Variants in TP63 observed in about 807,000 individuals in gnomAD.
TP63 encodes tumor protein p63.
Under a neutral mutation model 82.8 loss-of-function variants are expected in TP63, and 17 were observed. That is an observed-to-expected ratio of 0.21 (90% CI 0.14 to 0.31). The LOEUF (loss-of-function observed/expected upper bound fraction) is 0.31. TP63 is among the 10% of genes least tolerant of loss of function. The probability of loss-of-function intolerance (pLI) is 1.00; values close to 1 mark genes in which losing one functional copy is unlikely to be tolerated. For missense variants in TP63, 648 were observed against 895.3 expected, an observed-to-expected ratio of 0.72 and a Z score of 3.52; for synonymous variants, 330 against 321.7, an observed-to-expected ratio of 1.03 and a Z score of -0.28.
At chr3:189,790,296 A>G (rs1218211555) in intron 3 of TP63, among the ~76,000 whole-genome samples, 1 of 152,004 alleles carries the variant, frequency 6.6e-6, no homozygotes, top group Non-Finnish European at 1.5e-5. Context: ...CAAAATAATC[A>G]GGTGAGATTT....
intron 1 of TP63, among the ~76,000 whole-genome samples, chr3:189,700,744 G>T (rs1717741706): frequency 1.3e-5 from 2 of 152,144 alleles, no homozygotes; most frequent in African/African-American, 4.8e-5. Context: ...TAGAGAATTG[G>T]AAACAGGAGT....
chr3:189,611,825 A>T, the TP63 span, among the ~76,000 whole-genome samples: 1 of 151,972 alleles, frequency 6.6e-6, no homozygotes, highest in Non-Finnish European at 1.5e-5. Context: ...TGTAATTCTC[A>T]TTGTAGAGAT....
At position 189,703,827 on chromosome 3, in the gene TP63, T is replaced by C. The variant is rs188496958; in HGVS notation, c.63-33913T>C. ...TTATTCAGAGTTATACAGTGAGTTG[T>C]TGGGAAAACAGAGGCCAAAACACAG... On this transcript the variant is annotated intron_variant, in intron 1 of 13. Coordinates refer to ENST00000264731, the MANE Select transcript of TP63 (RefSeq NM_003722.5). 3.3e-3 allele frequency among the ~76,000 whole-genome samples: 506 copies of C among 152,254 alleles called. 2 individuals are homozygous for C. The highest frequency in any genetic ancestry group is 0.012 in the African/African-American group (494 of 41,524).
intron 1 of TP63, among the ~76,000 whole-genome samples, chr3:189,642,228 C>T (rs1209882775): frequency 6.6e-6 from 1 of 152,042 alleles, no homozygotes; most frequent in Non-Finnish European, 1.5e-5. Flanking sequence ...CTAGGACTTC[C>T]GTATTAACTA....
At chr3:189,696,068 C>A (rs1400175425) in intron 1 of TP63, among the ~76,000 whole-genome samples, 1 of 152,044 alleles carries the variant, frequency 6.6e-6, no homozygotes, top group African/African-American at 2.4e-5. Context: ...TTTTAATTTG[C>A]ACACATTAAG....
At chr3:189,608,141 C>T in the TP63 span, among the ~76,000 whole-genome samples, 7 of 151,938 alleles carry the variant, frequency 4.6e-5, no homozygotes, top group Admixed American at 3.9e-4. Context: ...CTAATTAAAA[C>T]AGATAAAAAA....
intron 1 of TP63, among the ~76,000 whole-genome samples, chr3:189,688,596 TAA>T (rs1459504222): frequency 6.6e-6 from 1 of 152,180 alleles, no homozygotes; most frequent in Non-Finnish European, 1.5e-5. Context: ...CTTTTGCTAG[TAA>T]AGATGTGGCT....
At chr3:189,675,692 G>C (rs368334322) in intron 1 of TP63, among the ~76,000 whole-genome samples, 3 of 152,094 alleles carry the variant, frequency 2.0e-5, no homozygotes, top group South Asian at 2.1e-4. Flanking sequence ...ACTGTGGCAC[G>C]GTTATGTCTC....
At chr3:189,875,637 T>TATATAA (rs1169970699) in intron 10 of TP63, among the ~76,000 whole-genome samples, 2 of 128,824 alleles carry the variant, frequency 1.6e-5, no homozygotes, top group African/African-American at 5.9e-5. Flanking sequence ...TATATATATA[T>TATATAA]AAACTATTCT....
At chr3:189,604,137 A>G in the TP63 span, among the ~76,000 whole-genome samples, 81 of 152,304 alleles carry the variant, frequency 5.3e-4, no homozygotes, top group African/African-American at 1.9e-3. Flanking sequence ...TCTGAGCCTG[A>G]ATCTTAGATC....
At chr3:189,623,740 C>T in the TP63 span, among the ~76,000 whole-genome samples, 1 of 152,136 alleles carries the variant, frequency 6.6e-6, no homozygotes, top group Non-Finnish European at 1.5e-5. Context: ...GAATTTAGGT[C>T]CCATCACAAC....
the TP63 span, among the ~76,000 whole-genome samples, chr3:189,626,054 A>G: frequency 6.6e-6 from 1 of 152,208 alleles, no homozygotes; most frequent in Admixed American, 6.5e-5. Flanking sequence ...TGGAGGTCAA[A>G]TCAGAAGAAG....
At chr3:189,875,919 G>A (rs1157682936) in intron 10 of TP63, among the ~76,000 whole-genome samples, 3 of 151,770 alleles carry the variant, frequency 2.0e-5, no homozygotes, top group South Asian at 2.1e-4. Context: ...TGTAGTTAAC[G>A]ACACAACCTC....
chr3:189,789,398 A>G (rs1424103661), intron 3 of TP63, among the ~76,000 whole-genome samples: 1 of 151,930 alleles, frequency 6.6e-6, no homozygotes, highest in Admixed American at 6.6e-5. Flanking sequence ...TTTTGTTTTT[A>G]AAAGACAGTG....
At chr3:189,660,635 C>T (rs1479714758) in intron 1 of TP63, among the ~76,000 whole-genome samples, 1 of 151,972 alleles carries the variant, frequency 6.6e-6, no homozygotes. Context: ...AATGTTGAAT[C>T]TGTAGATTGA....
At chr3:189,756,999 G>A (rs771087744) in intron 3 of TP63, among the ~76,000 whole-genome samples, 29 of 152,182 alleles carry the variant, frequency 1.9e-4, no homozygotes, top group Non-Finnish European at 2.5e-4. Flanking sequence ...TGATTTGTTT[G>A]AAGTAATACT....
chr3:189,810,831 C>T (rs545336301), intron 4 of TP63, among the ~76,000 whole-genome samples: 8 of 145,776 alleles, frequency 5.5e-5, no homozygotes, highest in African/African-American at 2.0e-4. Context: ...ATGTGATCTG[C>T]CTGCACAATA....
intron 3 of TP63, among the ~76,000 whole-genome samples, chr3:189,790,756 A>G (rs1725047624): frequency 6.6e-6 from 1 of 152,106 alleles, no homozygotes; most frequent in Non-Finnish European, 1.5e-5. Context: ...GGTGTTTCAG[A>G]TAAAAATGCT....
intron 3 of TP63, among the ~76,000 whole-genome samples, chr3:189,797,612 G>A (rs570038156): frequency 1.3e-4 from 20 of 152,110 alleles, no homozygotes; most frequent in African/African-American, 4.1e-4. Flanking sequence ...GGGGAATGGC[G>A]TGATTACTTT....
Sources: allele counts gnomAD v4.1 joint callset (sites outside exome capture counted in the v4.1 genomes callset), GRCh38; gene constraint gnomAD v4.1.1; transcripts MANE v1.5; gene names NCBI Gene and HGNC (gene_info 2026-07-23, HGNC 2026-07-21).